The following NMU variants were observed in gnomAD, a reference collection of about 807,000 sequenced individuals.
The protein encoded by NMU is neuromedin-U.
In NMU, 29 loss-of-function variants were observed where a neutral mutation model predicts 35.4. That is an observed-to-expected ratio of 0.82 (90% CI 0.61 to 1.12). NMU has a LOEUF of 1.12. Among genes scored for constraint, NMU ranks in the 50% most tolerant of loss-of-function variants. NMU has a pLI of 0.00. For missense variants in NMU, 199 were observed against 206.2 expected, an observed-to-expected ratio of 0.97 and a Z score of 0.21; for synonymous variants, 78 against 81.3, an observed-to-expected ratio of 0.96 and a Z score of 0.22.
chr4:55,612,787 G>A (rs994161055), intron 3 of NMU, among the ~76,000 whole-genome samples: 53 of 152,236 alleles, frequency 3.5e-4, no homozygotes, highest in African/African-American at 1.3e-3. Context: ...ATACATGAAA[G>A]TTTTAATATC....
At chr4:55,600,597 T>C in intron 7 of NMU, 22 bp from the exon 8 acceptor site, 1 of 1,567,334 alleles carries the variant, frequency 6.4e-7, no homozygotes, top group Non-Finnish European at 8.8e-7. Flanking sequence ...AATGAGGGCA[T>C]TACAAATCAC....
At chr4:55,599,026 C>T (rs2110179751) in intron 9 of NMU, 116 bp downstream of exon 9, 1 of 692,316 alleles carries the variant, frequency 1.4e-6, no homozygotes, top group Non-Finnish European at 2.6e-6. Flanking sequence ...AATAGAAATA[C>T]ATTTAACATA....
chr4:55,607,647 T>G (rs1260504509), intron 4 of NMU, among the ~76,000 whole-genome samples, 181 bp from the exon 5 acceptor site: 1 of 152,206 alleles, frequency 6.6e-6, no homozygotes, highest in East Asian at 1.9e-4. Context: ...GGAAATTAAT[T>G]GAATATTGTT....
chr4:55,607,253 T>C (rs767105550), intron 6 of NMU, 45 bp downstream of exon 6: 4 of 1,420,938 alleles, frequency 2.8e-6, no homozygotes, highest in Admixed American at 1.7e-5. Context: ...TTTCATTCTT[T>C]TAAACAAATA....
Position 55,636,053 on chromosome 4 carries a change from G to A in NMU, c.112+28C>T, listed in dbSNP as rs3792704. 456 of 1,532,276 alleles carry A rather than the reference G, an allele frequency of 3.0e-4. 7 individuals are homozygous for A. In the East Asian group the frequency reaches 0.011, roughly 37 times the overall value. 94.9% of individuals were successfully genotyped at this position (1,532,276 alleles called of 1,614,324 possible). A position where few individuals can be genotyped will look rare whatever the true frequency, so the allele number is the denominator to read the frequency against. Reference sequence around the variant, plus strand: ...GCCAGAGAGAGGCGCGCATGGCGTGGAAGCGGCCGGGTGCGGGGCCGTCTT... The same window carrying A: ...GCCAGAGAGAGGCGCGCATGGCGTGAAAGCGGCCGGGTGCGGGGCCGTCTT... On this transcript the variant is annotated intron_variant, in intron 1 of 9. Coordinates refer to ENST00000264218, the MANE Select transcript of NMU (RefSeq NM_006681.4). This position sits in a 1 kb window ranked among gnomAD's most constrained non-coding sequence, Gnocchi z 4.0.
intron 1 of NMU, among the ~76,000 whole-genome samples, chr4:55,630,834 A>G (rs1935796281): frequency 6.6e-6 from 1 of 152,142 alleles, no homozygotes; most frequent in South Asian, 2.1e-4. Context: ...AAACAATCCT[A>G]AAATTCACAT....
chr4:55,595,641 A>ATT lies in NMU; in HGVS notation c.*5-231_*5-230insAA, dbSNP rs1350425305. On this transcript the variant is annotated intron_variant, in intron 9 of 9. Coordinates refer to ENST00000264218, the MANE Select transcript of NMU (RefSeq NM_006681.4). ...TGTGTGTGTATATATATATATATAT[A>ATT]TATTTTTTTTTTTTTTTGAGACAGA... Among the ~76,000 whole-genome samples, 577 of 63,170 alleles carry ATT rather than the reference A, an allele frequency of 9.1e-3. 5 individuals carry two copies. The highest frequency in any genetic ancestry group is 0.038 in the African/African-American group (537 of 14,138). The allele number at this position is 63,170 out of a possible 152,430, so 41.4% of individuals were successfully genotyped here.
chr4:55,603,424 T>G (rs7662646), intron 7 of NMU, among the ~76,000 whole-genome samples: 147,179 of 152,124 alleles, frequency 0.97, 71,294 homozygotes, highest in East Asian at 1. Context: ...TAGATCAGAA[T>G]TCAGAAAACT....
At chr4:55,626,900 C>T (rs746934825) in intron 2 of NMU, among the ~76,000 whole-genome samples, 1 of 152,226 alleles carries the variant, frequency 6.6e-6, no homozygotes, top group Non-Finnish European at 1.5e-5. Context: ...CTGCTCCTAA[C>T]AAAGATATTG....
chr4:55,636,087 A>T lies in NMU; in HGVS notation c.106T>A (p.Cys36Ser). Reference protein sequence around the residue: ...LLLLAWCAGACRGAPILPQGL... With the variant: ...LLLLAWCAGASRGAPILPQGL... The stretch of plus-strand genomic sequence containing the variant: ...GGGTGCGGGGCCGTCTTACCTCGGC[A>T]GGCGCCCGCGCACCAGGCGAGCAGC... Residue 36 changes from cysteine (C) to serine (S), a missense_variant, in exon 1 of 10, where the codon TGC becomes AGC. Transcript: ENST00000264218. This position sits in a 1 kb window ranked among gnomAD's most constrained non-coding sequence, Gnocchi z 4.0. 6.5e-7 allele frequency: 1 copy of T among 1,531,106 alleles called. No homozygotes were observed. The highest frequency in any genetic ancestry group is 8.7e-7 in the Non-Finnish European group (1 of 1,145,224). The allele number at this position is 1,531,106 out of a possible 1,614,324, so 94.8% of individuals were successfully genotyped here.
intron 7 of NMU, among the ~76,000 whole-genome samples, chr4:55,602,592 G>A (rs1317463687): frequency 6.6e-6 from 1 of 152,156 alleles, no homozygotes; most frequent in Non-Finnish European, 1.5e-5. Context: ...TGTCTTTTAA[G>A]AAACTGTATC....
chr4:55,630,086 A>C (rs566785508), intron 2 of NMU, among the ~76,000 whole-genome samples: 2 of 152,018 alleles, frequency 1.3e-5, no homozygotes, highest in African/African-American at 4.8e-5. Context: ...ACTGATAGAC[A>C]ATATATTTCT....
At chr4:55,611,033 C>T (rs1406552845) in intron 3 of NMU, among the ~76,000 whole-genome samples, 2 of 152,004 alleles carry the variant, frequency 1.3e-5, no homozygotes, top group Non-Finnish European at 1.5e-5. Context: ...TGTTATAAGC[C>T]AAGTGTCATT....
At chr4:55,599,507 C>A (rs1046298507) in intron 8 of NMU, among the ~76,000 whole-genome samples, 2 of 152,088 alleles carry the variant, frequency 1.3e-5, no homozygotes, top group African/African-American at 4.8e-5. Flanking sequence ...TTGATATGAA[C>A]CAAAATGAAC....
intron 3 of NMU, among the ~76,000 whole-genome samples, chr4:55,610,083 T>C (rs1471440391): frequency 4.6e-5 from 7 of 152,172 alleles, no homozygotes; most frequent in Admixed American, 2.0e-4. Context: ...GGGGATGACA[T>C]TGCTGCAGAG....
intron 4 of NMU, among the ~76,000 whole-genome samples, chr4:55,608,538 TA>T (rs1185401289): frequency 6.6e-6 from 1 of 152,234 alleles, no homozygotes; most frequent in African/African-American, 2.4e-5. Flanking sequence ...TCATCTTTAA[TA>T]AAGTAGCTTT....
At chr4:55,600,645 A>G (rs1425698981) in intron 7 of NMU, 70 bp from the exon 8 acceptor site, 1 of 1,079,996 alleles carries the variant, frequency 9.3e-7, no homozygotes, top group Non-Finnish European at 1.4e-6. Context: ...CCTTGAAAGT[A>G]TATTGAGGGT....
intron 2 of NMU, among the ~76,000 whole-genome samples, chr4:55,619,413 T>C (rs371551963): frequency 0.019 from 2,232 of 119,008 alleles, 126 homozygotes; most frequent in Admixed American, 0.11. Flanking sequence ...CGGACGCACC[T>C]GGAAAATCGG....
chr4:55,634,100 C>T (rs962914550), intron 1 of NMU, among the ~76,000 whole-genome samples: 16 of 152,028 alleles, frequency 1.1e-4, no homozygotes, highest in African/African-American at 3.9e-4. Context: ...TCTGGCGTTG[C>T]GACATTTGTT....
Sources: allele counts gnomAD v4.1 joint callset (sites outside exome capture counted in the v4.1 genomes callset), GRCh38; gene constraint gnomAD v4.1.1; non-coding constraint Gnocchi (gnomAD v3.1); transcripts MANE v1.5; gene names NCBI Gene and HGNC (gene_info 2026-07-23, HGNC 2026-07-21).